Variants in GLI2 observed in about 807,000 individuals in gnomAD.
GLI2 encodes GLI family zinc finger 2, also known as transcription activator GLI2.
In GLI2, 22 loss-of-function variants were observed where a neutral mutation model predicts 78.9. The observed-to-expected ratio is 0.28, with a 90% CI of 0.20 to 0.40. The LOEUF is 0.40. GLI2 is among the 10% of genes least tolerant of loss of function. GLI2 has a pLI of 1.00. For missense variants in GLI2, 2,097 were observed against 2,213.2 expected (o/e 0.95, Z 1.05); for synonymous variants, 974 against 963.7 (o/e 1.01, Z -0.20).
At position 120,784,761 on chromosome 2, in the gene GLI2, C is replaced by T. The variant is rs555152432; in HGVS notation, c.-30-12530C>T. Among the ~76,000 whole-genome samples the T allele has an allele frequency of 7.2e-5, 11 of 152,268 alleles. No homozygotes were observed. The South Asian group carries it at 2.3e-3, about 32-fold the overall frequency. ...CGGAACTGTTCTTCCTTTGAAAATG[C>T]TCACTCATCCCTGCCTCCAGGAAAC... On this transcript the variant is annotated intron_variant, in intron 1 of 13. Transcript: ENST00000361492.
At chr2:120,925,868 T>C (rs370891701) in intron 2 of GLI2, among the ~76,000 whole-genome samples, 5 of 150,890 alleles carry the variant, frequency 3.3e-5, no homozygotes, top group South Asian at 4.2e-4. Flanking sequence ...GTCAGGAGAT[T>C]GAGACCATCC....
rs139600172 is a variant in GLI2 at position 120,864,970 on chromosome 2, C to T, written c.149-62391C>T. Among the ~76,000 whole-genome samples, 911 of 152,280 alleles carry T rather than the reference C, an allele frequency of 6.0e-3. 7 individuals are homozygous for T. Among genetic ancestry groups the T allele is most frequent in the Middle Eastern group, 0.027 (8 of 294 alleles). ...AGAGCAGCCCTTTCTGTGGGGCATT[C>T]ACTGTTGGGGTCCAACCAGTTCTCT... On this transcript the variant is annotated intron_variant, in intron 2 of 13. Transcript: ENST00000361492.
At chr2:120,863,629 G>A (rs1025372330) in intron 2 of GLI2, among the ~76,000 whole-genome samples, 4 of 152,182 alleles carry the variant, frequency 2.6e-5, no homozygotes, top group African/African-American at 9.7e-5. Flanking sequence ...GCATTTGTGG[G>A]CTAACATGGA....
chr2:120,982,785 G>A lies in GLI2; in HGVS notation c.1537G>A (p.Glu513Lys). ...GACACACCTGCGGTCCCACACCGGG[G>A]AGAAGCCATATGTGTGTGAGCACGA... is the stretch of plus-strand genomic sequence containing the variant. ...LKTHLRSHTG[E>K]KPYVCEHEGC... Residue 513 changes from glutamate (E) to lysine (K), a missense_variant, in exon 11 of 14, where the codon GAG (glutamate) becomes AAG (lysine). Glu to Lys is a moderately conservative substitution (Grantham distance 56). This residue lies in a region of GLI2 where 104 missense variants were observed against 190.6 expected (regional missense o/e 0.55). Coordinates refer to ENST00000361492, the MANE Select transcript of GLI2 (RefSeq NM_001374353.1). The A allele has an allele frequency of 6.2e-7, 1 of 1,614,090 alleles. No individual in the cohort carries two copies. The highest frequency in any genetic ancestry group is 8.5e-7 in the Non-Finnish European group (1 of 1,179,968).
chr2:120,781,565 A>G (rs1019550301), intron 1 of GLI2, among the ~76,000 whole-genome samples: 1 of 152,250 alleles, frequency 6.6e-6, no homozygotes, highest in African/African-American at 2.4e-5. Flanking sequence ...TTTAATGGAA[A>G]AAGCAGAATG....
chr2:120,932,604 A>G (rs577804891), intron 3 of GLI2, among the ~76,000 whole-genome samples: 1 of 152,328 alleles, frequency 6.6e-6, no homozygotes, highest in Non-Finnish European at 1.5e-5. Flanking sequence ...AACTCACCTC[A>G]GCTTTCTCAT....
chr2:120,966,841 T>A (rs1008461154), intron 5 of GLI2, among the ~76,000 whole-genome samples: 1 of 152,216 alleles, frequency 6.6e-6, no homozygotes, highest in African/African-American at 2.4e-5. Flanking sequence ...TCGGTGCTCC[T>A]GCAGCTGTGG....
chr2:120,804,155 G>T (rs2104711053), intron 2 of GLI2, among the ~76,000 whole-genome samples: 1 of 152,270 alleles, frequency 6.6e-6, no homozygotes, highest in African/African-American at 2.4e-5. Context: ...AGAATATTTA[G>T]ACGACTCATT....
chr2:120,895,799 G>A (rs746805018), intron 2 of GLI2, among the ~76,000 whole-genome samples: 2 of 152,214 alleles, frequency 1.3e-5, no homozygotes, highest in Non-Finnish European at 2.9e-5. Context: ...GAGACACTTC[G>A]TCTGGTCACT....
chr2:120,888,180 G>C (rs1677506914), intron 2 of GLI2, among the ~76,000 whole-genome samples: 1 of 152,250 alleles, frequency 6.6e-6, no homozygotes, highest in South Asian at 2.1e-4. Context: ...GTCGGGGAGG[G>C]GTAGAAGGGA....
intron 2 of GLI2, among the ~76,000 whole-genome samples, chr2:120,894,994 G>T (rs1487727198): frequency 6.6e-6 from 1 of 152,148 alleles, no homozygotes; most frequent in Non-Finnish European, 1.5e-5. Flanking sequence ...ACTGTACCCG[G>T]CCCAGTATGG....
chr2:120,750,567 A>T (rs997944011), intron 1 of GLI2, among the ~76,000 whole-genome samples: 1 of 152,246 alleles, frequency 6.6e-6, no homozygotes, highest in Non-Finnish European at 1.5e-5. Flanking sequence ...CATAGTAAGC[A>T]CACAGTACAT....
chr2:120,978,599 C>T lies in GLI2; in HGVS notation c.1467+16C>T, dbSNP rs1245240960. 6.2e-7 allele frequency: 1 copy of T among 1,600,252 alleles called. No homozygotes were observed. Among genetic ancestry groups the T allele is most frequent in the Non-Finnish European group, 8.5e-7 (1 of 1,170,714 alleles). On this transcript the variant is annotated intron_variant, in intron 10 of 13. Transcript: ENST00000361492. ...CAAGTGCACGGTGAGTGGCCTTCTC[C>T]CCACCCCCGCCGCAGCATCAAGACT...
At chr2:120,923,666 A>G (rs560961940) in intron 2 of GLI2, among the ~76,000 whole-genome samples, 1 of 152,108 alleles carries the variant, frequency 6.6e-6, no homozygotes, top group South Asian at 2.1e-4. Context: ...TACAACACAC[A>G]TGCGCATATA....
intron 1 of GLI2, among the ~76,000 whole-genome samples, chr2:120,753,576 T>C (rs938146755): frequency 2.0e-5 from 3 of 152,206 alleles, no homozygotes; most frequent in Admixed American, 2.0e-4. Flanking sequence ...TTGTTTTTTC[T>C]TAAAGATTTG....
At position 120,899,421 on chromosome 2, in the gene GLI2, A is replaced by G. The variant is rs1291853309; in HGVS notation, c.149-27940A>G. Among the ~76,000 whole-genome samples the G allele has an allele frequency of 6.9e-5, 9 of 129,860 alleles. No individual in the cohort carries two copies. The East Asian group carries it at 1.7e-3, about 25-fold the overall frequency. The allele number at this position is 129,860 out of a possible 152,430, so 85.2% of individuals were successfully genotyped here. A position where few individuals can be genotyped will look rare whatever the true frequency, so the allele number is the denominator to read the frequency against. On this transcript the variant is annotated intron_variant, in intron 2 of 13. Coordinates refer to ENST00000361492, the MANE Select transcript of GLI2 (RefSeq NM_001374353.1). ...TACACACACATACACACACACACAC[A>G]CACACACATACACACATGCACACAC...
intron 1 of GLI2, among the ~76,000 whole-genome samples, chr2:120,761,996 G>A (rs1029178365): frequency 6.6e-6 from 1 of 152,206 alleles, no homozygotes; most frequent in Non-Finnish European, 1.5e-5. Flanking sequence ...TCCCAGTGCC[G>A]CTTTGCTTCA....
chr2:120,912,080 A>G (rs1678850394), intron 2 of GLI2, among the ~76,000 whole-genome samples: 1 of 152,072 alleles, frequency 6.6e-6, no homozygotes, highest in Admixed American at 6.5e-5. Context: ...TTGCCCACAA[A>G]CGCCTCGGAT....
chr2:120,810,201 A>G (rs1251533195), intron 2 of GLI2, among the ~76,000 whole-genome samples: 2 of 152,218 alleles, frequency 1.3e-5, no homozygotes, highest in East Asian at 3.9e-4. Context: ...TTGAGGTCCA[A>G]GGAGGGGGAT....
Sources: gnomAD v4.1 joint callset for allele counts (sites outside exome capture counted in the v4.1 genomes callset) on GRCh38, gnomAD v4.1.1 for gene constraint, gnomAD v4.1.1 regional missense constraint, MANE v1.5 for transcripts, NCBI Gene and HGNC (gene_info 2026-07-23, HGNC 2026-07-21) for gene names.